The following MPPED1 variants were observed in gnomAD, a reference collection of about 807,000 sequenced individuals.
MPPED1 encodes metallophosphoesterase domain containing 1, also known as metallophosphoesterase domain-containing protein 1.
MPPED1 carries 16 observed loss-of-function variants against 36.2 expected under a neutral mutation model. The ratio of observed to expected loss-of-function variants is 0.44; its 90% confidence interval spans 0.30 to 0.67. MPPED1 has a LOEUF of 0.67. MPPED1 is among the 30% of genes least tolerant of loss of function. The pLI, the probability that MPPED1 is intolerant of heterozygous loss-of-function variation, is 0.10. For synonymous variants in MPPED1, 199 were observed against 191.3 expected (o/e 1.04, Z -0.33); for missense variants, 307 against 453.4 (o/e 0.68, Z 2.93).
intron 5 of MPPED1, among the ~76,000 whole-genome samples, chr22:43,500,992 G>A (rs1932716907): frequency 6.6e-6 from 1 of 152,058 alleles, no homozygotes; most frequent in Admixed American, 6.5e-5. Flanking sequence ...AGTGTCACTG[G>A]CTCACACACC....
intron 3 of MPPED1, among the ~76,000 whole-genome samples, chr22:43,464,855 G>A (rs1931107496): frequency 6.6e-6 from 1 of 152,156 alleles, no homozygotes; most frequent in African/African-American, 2.4e-5. Context: ...CTCTGTCCTT[G>A]GCAGGCCATG....
At chr22:43,494,722 G>GTGGTGGTGGTGGTGGTGGTGGTGA (rs1932204879) in intron 4 of MPPED1, among the ~76,000 whole-genome samples, 1 of 151,850 alleles carries the variant, frequency 6.6e-6, no homozygotes, top group African/African-American at 2.4e-5. Context: ...GGTGGTGGTG[G>GTGGTGGTGGTGGTGGTGGTGGTGA]TGATGGTGGC....
intron 4 of MPPED1, among the ~76,000 whole-genome samples, chr22:43,476,561 T>C (rs1931584009): frequency 6.6e-6 from 1 of 152,128 alleles, no homozygotes; most frequent in South Asian, 2.1e-4. Context: ...TGGTGCCTCA[T>C]GGTGACCACC....
chr22:43,434,474 C>T (rs1929881657), intron 2 of MPPED1, among the ~76,000 whole-genome samples: 1 of 152,252 alleles, frequency 6.6e-6, no homozygotes, highest in African/African-American at 2.4e-5. Flanking sequence ...CATGCGGTCT[C>T]AGTGGGGGCC....
chr22:43,485,046 TACAC>T (rs1352879786), intron 4 of MPPED1, among the ~76,000 whole-genome samples: 9 of 151,578 alleles, frequency 5.9e-5, no homozygotes, highest in African/African-American at 2.2e-4. Flanking sequence ...CATATTCACA[TACAC>T]ACACATTCAT....
intron 2 of MPPED1, among the ~76,000 whole-genome samples, chr22:43,433,667 C>T (rs1037939488): frequency 6.6e-6 from 1 of 152,102 alleles, no homozygotes; most frequent in Non-Finnish European, 1.5e-5. Flanking sequence ...CCGGCTGCGG[C>T]GGATGGAGCG....
intron 1 of MPPED1, among the ~76,000 whole-genome samples, chr22:43,421,338 C>G (rs1176595724): frequency 6.6e-6 from 1 of 152,224 alleles, no homozygotes; most frequent in East Asian, 1.9e-4. Context: ...GAGCAGGGCC[C>G]GTTGCGAACC....
chr22:43,479,266 G>A (rs1466137602), intron 4 of MPPED1, among the ~76,000 whole-genome samples: 2 of 152,220 alleles, frequency 1.3e-5, no homozygotes, highest in Non-Finnish European at 1.5e-5. Context: ...TGGCTACCAC[G>A]TGGACTGCAG....
Position 43,468,854 on chromosome 22 carries a change from G to A in MPPED1, c.407-5882G>A, listed in dbSNP as rs187424246. ...AAGGGGCATTCAGGATAGGCTCAGTGGATGCTTAGCTTCCGTTGGGTTGAT... is the reference window on the plus strand; with the variant it reads ...AAGGGGCATTCAGGATAGGCTCAGTAGATGCTTAGCTTCCGTTGGGTTGAT... On this transcript the variant is annotated intron_variant, in intron 3 of 6. Transcript: ENST00000443721. Among the ~76,000 whole-genome samples the A allele has an allele frequency of 4.1e-4, 63 of 152,286 alleles. 1 individual carries two copies. Among genetic ancestry groups the A allele is most frequent in the Admixed American group, 3.9e-3 (59 of 15,300 alleles).
chr22:43,456,051 C>T (rs1294773455), intron 3 of MPPED1, among the ~76,000 whole-genome samples: 1 of 152,168 alleles, frequency 6.6e-6, no homozygotes, highest in Non-Finnish European at 1.5e-5. Flanking sequence ...CCTTTGGCTT[C>T]CTTGATTTGT....
At chr22:43,455,115 C>CTTTTTTTTTTTTTTTTTTT (rs71284734) in intron 3 of MPPED1, among the ~76,000 whole-genome samples, 2 of 122,766 alleles carry the variant, frequency 1.6e-5, no homozygotes, top group Non-Finnish European at 1.6e-5. Flanking sequence ...CCTTCATGTC[C>CTTTTTTTTTTTTTTTTTTT]TTTTTTTTTT....
chr22:43,492,065 G>A (rs1385052653), intron 4 of MPPED1, among the ~76,000 whole-genome samples: 1 of 151,828 alleles, frequency 6.6e-6, no homozygotes, highest in Admixed American at 6.6e-5. Context: ...TGGTGCTGGG[G>A]GTGATTATAG....
intron 3 of MPPED1, among the ~76,000 whole-genome samples, chr22:43,453,068 G>A (rs1930629810): frequency 6.6e-6 from 1 of 151,440 alleles, no homozygotes; most frequent in Non-Finnish European, 1.5e-5. Context: ...TCCTGCCTCA[G>A]CCTCCCGAGT....
chr22:43,488,185 C>T (rs1433850775), intron 4 of MPPED1, among the ~76,000 whole-genome samples: 1 of 152,082 alleles, frequency 6.6e-6, no homozygotes, highest in African/African-American at 2.4e-5. Flanking sequence ...GAGGGCGGCC[C>T]CTACGCCGCC....
At chr22:43,425,575 G>A (rs1451095607) in intron 2 of MPPED1, among the ~76,000 whole-genome samples, 1 of 152,252 alleles carries the variant, frequency 6.6e-6, no homozygotes, top group African/African-American at 2.4e-5. Context: ...TCTGGCGGGG[G>A]CCACATTCCC....
chr22:43,421,286 A>G (rs1398194932), intron 1 of MPPED1, among the ~76,000 whole-genome samples: 5 of 152,260 alleles, frequency 3.3e-5, no homozygotes, highest in Admixed American at 6.5e-5. Context: ...TTAAATGGGC[A>G]TTAAAAGAAG....
intron 4 of MPPED1, among the ~76,000 whole-genome samples, chr22:43,493,696 C>A (rs990994623): frequency 2.0e-5 from 3 of 152,174 alleles, no homozygotes; most frequent in African/African-American, 7.2e-5. Context: ...ATACTTGGGG[C>A]CTGGCAGAAC....
chr22:43,463,576 G>A (rs979118832), intron 3 of MPPED1, among the ~76,000 whole-genome samples: 3 of 151,786 alleles, frequency 2.0e-5, no homozygotes, highest in Non-Finnish European at 2.9e-5. Flanking sequence ...CCTTGACTTC[G>A]TCTTCCCTCT....
intron 4 of MPPED1, among the ~76,000 whole-genome samples, chr22:43,489,260 C>G (rs957255407): frequency 1.3e-5 from 2 of 152,076 alleles, no homozygotes; most frequent in Non-Finnish European, 2.9e-5. Flanking sequence ...TCTCCTCTGC[C>G]CAGGGCAGAG....
Sources: gnomAD v4.1 joint callset for allele counts (sites outside exome capture counted in the v4.1 genomes callset) on GRCh38, gnomAD v4.1.1 for gene constraint, MANE v1.5 for transcripts, NCBI Gene and HGNC (gene_info 2026-07-23, HGNC 2026-07-21) for gene names.